The following APPBP2 variants were observed in gnomAD, a reference collection of about 807,000 sequenced individuals.
The protein encoded by APPBP2 is amyloid beta precursor protein binding protein 2, also known as amyloid protein-binding protein 2.
APPBP2 carries 15 observed loss-of-function variants against 76.0 expected under a neutral mutation model. The ratio of observed to expected loss-of-function variants is 0.20; its 90% CI spans 0.13 to 0.30. The LOEUF (loss-of-function observed/expected upper bound fraction) is 0.30, where lower values mean the gene tolerates loss of function less well. Ranked by LOEUF, APPBP2 falls within the 10% of genes least tolerant of loss-of-function variation. The probability of loss-of-function intolerance (pLI) is 1.00; values close to 1 mark genes in which losing one functional copy is unlikely to be tolerated. For missense variants in APPBP2, 401 were observed against 687.2 expected (o/e 0.58, Z 4.66); for synonymous variants, 222 against 242.2 (o/e 0.92, Z 0.77).
In APPBP2 at chr17:60,447,689, T is replaced by C. The variant is rs776437985; in HGVS notation, c.1650A>G (p.Gln550=). ...CTTCAAGAGCATCTGTCACTGAATA[T>C]TGCCGATCTCGCAACCGGTTCCAGT... ...LSNWNRLRDR[Q]YSVTDALEDV... The change falls in exon 13 of 13, where the codon CAA becomes CAG. Residue 550 remains glutamine (Q), a synonymous_variant. Transcript: ENST00000083182. 18 of 1,614,138 alleles carry C rather than the reference T, an allele frequency of 1.1e-5. No individual in the cohort carries two copies. Among genetic ancestry groups the C allele is most frequent in the Admixed American group, 3.3e-5 (2 of 60,018 alleles).
intron 2 of APPBP2, among the ~76,000 whole-genome samples, chr17:60,497,235 A>C (rs529273417): frequency 6.6e-5 from 10 of 152,338 alleles, no homozygotes; most frequent in African/African-American, 1.7e-4. Context: ...TAAGTAAAAG[A>C]AGCCAGCCAA....
chr17:60,522,088 C>G (rs2091013910), intron 1 of APPBP2, among the ~76,000 whole-genome samples: 1 of 152,192 alleles, frequency 6.6e-6, no homozygotes, highest in African/African-American at 2.4e-5. Flanking sequence ...CAATGCATTT[C>G]TCAGAACATA....
intron 4 of APPBP2, among the ~76,000 whole-genome samples, chr17:60,474,176 T>A (rs7218315): frequency 0.2 from 30,505 of 151,408 alleles, 10,206 homozygotes; most frequent in African/African-American, 0.7. Context: ...ATTTTTTTTT[T>A]ATTTTTTTTT....
chr17:60,523,814 T>A (rs950105846), intron 1 of APPBP2, among the ~76,000 whole-genome samples: 1 of 152,210 alleles, frequency 6.6e-6, no homozygotes, highest in Admixed American at 6.5e-5. Flanking sequence ...TAATCTACTA[T>A]CTTAAGATAG....
intron 6 of APPBP2, among the ~76,000 whole-genome samples, chr17:60,463,242 G>A (rs1043723112): frequency 1.3e-5 from 2 of 152,138 alleles, no homozygotes; most frequent in African/African-American, 4.8e-5. Flanking sequence ...AAACTTCAGG[G>A]TAGAAGAGTG....
At chr17:60,520,808 C>T (rs897895578) in intron 1 of APPBP2, among the ~76,000 whole-genome samples, 2 of 152,096 alleles carry the variant, frequency 1.3e-5, no homozygotes. Context: ...GAGATCCTCC[C>T]GGCTCAGCCT....
At chr17:60,462,948 C>CA (rs59889728) in intron 6 of APPBP2, among the ~76,000 whole-genome samples, 915 of 64,890 alleles carry the variant, frequency 0.014, 17 homozygotes, top group African/African-American at 0.032. Context: ...GACTCCATCT[C>CA]AAAAAAAAAA....
intron 2 of APPBP2, among the ~76,000 whole-genome samples, 176 bp downstream of exon 2, chr17:60,500,223 G>A (rs1018302903): frequency 1.3e-5 from 2 of 152,108 alleles, no homozygotes; most frequent in African/African-American, 2.4e-5. Flanking sequence ...CGTTAGCCAG[G>A]AAGGTCTCGA....
chr17:60,467,658 T>G (rs1014715307), intron 4 of APPBP2, among the ~76,000 whole-genome samples: 1 of 152,116 alleles, frequency 6.6e-6, no homozygotes, highest in Non-Finnish European at 1.5e-5. Flanking sequence ...GATAAAAAAG[T>G]AGGGTAATAT....
chr17:60,520,338 C>T (rs2090998590), intron 1 of APPBP2, among the ~76,000 whole-genome samples: 1 of 151,942 alleles, frequency 6.6e-6, no homozygotes, highest in Admixed American at 6.6e-5. Context: ...TTCGGGAGGC[C>T]GAGGCAGGCA....
chr17:60,459,058 A>G (rs1336204732), intron 9 of APPBP2, among the ~76,000 whole-genome samples: 1 of 152,118 alleles, frequency 6.6e-6, no homozygotes, highest in East Asian at 1.9e-4. Flanking sequence ...GGTATCAGCC[A>G]CTGCGCCCAG....
At chr17:60,494,646 A>G in intron 2 of APPBP2, 29 bp from the exon 3 acceptor site, 1 of 1,545,676 alleles carries the variant, frequency 6.5e-7, no homozygotes. Context: ...ATTATTTTAT[A>G]GAGTTAATTT....
At chr17:60,502,373 G>A (rs2090829682) in intron 1 of APPBP2, among the ~76,000 whole-genome samples, 1 of 152,222 alleles carries the variant, frequency 6.6e-6, no homozygotes, top group African/African-American at 2.4e-5. Flanking sequence ...AAGTAAAGCT[G>A]AGAACTTACG....
intron 4 of APPBP2, among the ~76,000 whole-genome samples, chr17:60,470,613 T>C (rs905575465): frequency 1.3e-5 from 2 of 151,996 alleles, no homozygotes; most frequent in African/African-American, 4.8e-5. Context: ...GTTTCGCTCT[T>C]GTTGCCCAGG....
chr17:60,525,680 A>C (rs2091047590), intron 1 of APPBP2, 114 bp downstream of exon 1: 1 of 1,493,894 alleles, frequency 6.7e-7, no homozygotes, highest in Non-Finnish European at 9.0e-7. Flanking sequence ...ACGTTTCGGG[A>C]GGCAAGTCTG....
At chr17:60,507,729 T>C (rs1209490072) in intron 1 of APPBP2, among the ~76,000 whole-genome samples, 3 of 152,192 alleles carry the variant, frequency 2.0e-5, no homozygotes, top group African/African-American at 7.2e-5. Flanking sequence ...ATTTGATACT[T>C]TGGGAAAAAC....
At position 60,473,785 on chromosome 17, in the gene APPBP2, G is replaced by A. The variant is rs536996651; in HGVS notation, c.503+5363C>T. 6.2e-4 allele frequency among the ~76,000 whole-genome samples: 94 copies of A among 152,228 alleles called. No individual in the cohort carries two copies. In the Middle Eastern group the frequency reaches 0.037, roughly 61 times the overall value. ...AAAACTTTATCCAAATTATTCACAT[G>A]TACCTTAAACATTTAGCTTCATCAT... is the stretch of plus-strand genomic sequence containing the variant. On this transcript the variant is annotated intron_variant, in intron 4 of 12. Coordinates refer to ENST00000083182, the MANE Select transcript of APPBP2 (RefSeq NM_006380.5).
intron 4 of APPBP2, among the ~76,000 whole-genome samples, chr17:60,470,438 AT>A (rs1476593104): frequency 6.6e-6 from 1 of 151,996 alleles, no homozygotes; most frequent in Non-Finnish European, 1.5e-5. Flanking sequence ...TTTTAAAAAA[AT>A]TATTTTAATA....
chr17:60,461,894 G>C lies in APPBP2; in HGVS notation c.852C>G (p.His284Gln), dbSNP rs1293817692. ...CTAGCAGTGTATCAGAATATTTTGG[G>C]TGTTTGGATCCAAAATGATCCCTAT... ...YLARDHFGSK[H>Q]PKYSDTLLDY... The change falls in exon 8 of 13, where the codon CAC becomes CAG. Residue 284 changes from histidine to glutamine, a missense_variant. His to Gln is a conservative substitution (Grantham distance 24). Coordinates refer to ENST00000083182, the MANE Select transcript of APPBP2 (RefSeq NM_006380.5). 4 of 1,612,962 alleles carry C rather than the reference G, an allele frequency of 2.5e-6. No homozygotes were observed. Among genetic ancestry groups the C allele is most frequent in the Non-Finnish European group, 3.4e-6 (4 of 1,179,416 alleles).
Sources: gnomAD v4.1 joint callset for allele counts (sites outside exome capture counted in the v4.1 genomes callset) on GRCh38, gnomAD v4.1.1 for gene constraint, MANE v1.5 for transcripts, NCBI Gene and HGNC (gene_info 2026-07-23, HGNC 2026-07-21) for gene names.